Variants in GRM4 observed in about 807,000 individuals in gnomAD.
GRM4 encodes the protein glutamate metabotropic receptor 4, also known as metabotropic glutamate receptor 4.
In GRM4, 28 loss-of-function variants were observed where a neutral mutation model predicts 81.7. The ratio of observed to expected loss-of-function variants is 0.34; its 90% CI spans 0.25 to 0.47. GRM4 has a LOEUF of 0.47. Among genes scored for constraint, GRM4 ranks in the 20% least tolerant of loss-of-function variants. The pLI, the probability that GRM4 is intolerant of heterozygous loss-of-function variation, is 1.00. For synonymous variants in GRM4, 488 were observed against 528.8 expected, an observed-to-expected ratio of 0.92 and a Z score of 1.06; for missense variants, 948 against 1,290.0, an observed-to-expected ratio of 0.73 and a Z score of 4.06.
At chr6:34,029,218 T>G (rs1393235278) in intron 9 of GRM4, among the ~76,000 whole-genome samples, 1 of 152,202 alleles carries the variant, frequency 6.6e-6, no homozygotes, top group Non-Finnish European at 1.5e-5. Context: ...CTCCTGGGTC[T>G]GGGCATGAAG....
Position 34,061,972 on chromosome 6 carries a change from A to T in GRM4, c.793T>A (p.Phe265Ile). The T allele has an allele frequency of 1.2e-6, 2 of 1,613,772 alleles. No homozygotes were observed. The highest frequency in any genetic ancestry group is 1.7e-6 in the Non-Finnish European group (2 of 1,179,772). ...AGGAGGCGGCGGATGATCTTGTCGA[A>T]CTCGCCTGCCTTGGGCTCCCGTGGT... ...KIPREPKAGE[F>I]DKIIRRLLET... is the part of the protein sequence containing the mutation. The change falls in exon 4 of 11, where the codon TTC (phenylalanine) becomes ATC (isoleucine). Residue 265 changes from phenylalanine to isoleucine, a missense_variant. Phe to Ile is a conservative substitution (Grantham distance 21, BLOSUM62 0). Transcript: ENST00000538487.
chr6:34,088,911 C>T (rs1451975908), intron 3 of GRM4, among the ~76,000 whole-genome samples: 1 of 152,144 alleles, frequency 6.6e-6, no homozygotes, highest in East Asian at 1.9e-4. Context: ...TTCCTTTAGG[C>T]CTGGTGCCAG....
intron 2 of GRM4, among the ~76,000 whole-genome samples, chr6:34,095,796 C>T (rs975070138): frequency 5.3e-5 from 8 of 152,292 alleles, no homozygotes; most frequent in South Asian, 4.1e-4. Flanking sequence ...TTGGGCTCTC[C>T]AAGGCTCTCT....
intron 2 of GRM4, among the ~76,000 whole-genome samples, chr6:34,102,887 G>C (rs1013056944): frequency 6.6e-6 from 1 of 152,252 alleles, no homozygotes; most frequent in Non-Finnish European, 1.5e-5. Flanking sequence ...CGCAGAGCTG[G>C]TCAGCAGCTC....
chr6:34,116,721 A>C (rs1769613705), intron 2 of GRM4, among the ~76,000 whole-genome samples: 1 of 152,252 alleles, frequency 6.6e-6, no homozygotes, highest in African/African-American at 2.4e-5. Flanking sequence ...AAATGTTAAG[A>C]GTGGCTCTAT....
chr6:34,073,040 C>CCACA (rs796481109), intron 3 of GRM4, among the ~76,000 whole-genome samples: 1 of 5,898 alleles, frequency 1.7e-4, no homozygotes, highest in African/African-American at 7.0e-4. Context: ...CAGATACACA[C>CCACA]CACACACACA....
chr6:34,103,990 A>T (rs1345269856), intron 2 of GRM4: 10 of 437,428 alleles, frequency 2.3e-5, no homozygotes, highest in Non-Finnish European at 3.5e-5. Context: ...CTCCCTTGGT[A>T]ACCCTCACCA....
intron 3 of GRM4, among the ~76,000 whole-genome samples, chr6:34,067,625 C>T (rs1000604352): frequency 1.3e-4 from 20 of 150,544 alleles, no homozygotes; most frequent in Non-Finnish European, 2.7e-4. Flanking sequence ...TTCCTCCCTC[C>T]CTTCCTCCTT....
chr6:34,037,240 T>C (rs1374706906), intron 8 of GRM4, among the ~76,000 whole-genome samples: 1 of 152,228 alleles, frequency 6.6e-6, no homozygotes, highest in Non-Finnish European at 1.5e-5. Flanking sequence ...TTTCTTTACA[T>C]CTTGCTCTAA....
intron 3 of GRM4, among the ~76,000 whole-genome samples, chr6:34,088,358 G>A (rs1169733877): frequency 2.6e-5 from 4 of 152,066 alleles, no homozygotes; most frequent in South Asian, 2.1e-4. Flanking sequence ...TCCTGACCTC[G>A]TGATCCGCCT....
Position 34,035,788 on chromosome 6 carries a change from T to C in GRM4, c.2322A>G (p.Thr774=). The change falls in exon 9 of 11, where the codon ACA becomes ACG. Residue 774 remains threonine (T), a synonymous_variant. Transcript: ENST00000538487. The surrounding 1 kb of genome is among the most constrained non-coding windows in gnomAD (Gnocchi z 6.6). ...MVTCTVYAIK[T]RGVPETFNEA... is the part of the protein sequence containing the mutation. ...CATTGAAGGTCTCGGGCACGCCGCG[T>C]GTCTTGATGGCATACACGGTGCACG... 6.2e-7 allele frequency: 1 copy of C among 1,613,506 alleles called. No homozygotes were observed. The highest frequency in any genetic ancestry group is 8.5e-7 in the Non-Finnish European group (1 of 1,179,604).
chr6:34,084,876 G>A (rs1465574354), intron 3 of GRM4, among the ~76,000 whole-genome samples: 2 of 152,186 alleles, frequency 1.3e-5, no homozygotes, highest in Non-Finnish European at 2.9e-5. Flanking sequence ...TGGCTAGGCT[G>A]GAGCCCCCGC....
At chr6:34,040,408 A>G (rs1244169546) in intron 7 of GRM4, 94 bp from the exon 8 acceptor site, 3 of 1,468,304 alleles carry the variant, frequency 2.0e-6, no homozygotes, top group Admixed American at 1.7e-5. Flanking sequence ...ACACCCATTC[A>G]TGGAACATTC....
upstream of GRM4, among the ~76,000 whole-genome samples, chr6:34,146,787 G>T (rs948527184): frequency 6.6e-6 from 1 of 152,186 alleles, no homozygotes; most frequent in Non-Finnish European, 1.5e-5. Context: ...CCCAGGCCTG[G>T]CAGGACTCGG....
chr6:34,030,539 T>G (rs1279375129), intron 9 of GRM4, among the ~76,000 whole-genome samples: 1 of 152,180 alleles, frequency 6.6e-6, no homozygotes, highest in African/African-American at 2.4e-5. Flanking sequence ...CACTGTGGGA[T>G]GCTAACAAGT....
rs1764902001 is a variant in GRM4 at position 34,039,728 on chromosome 6, C to G, written c.1506+450G>C. On this transcript the variant is annotated intron_variant, in intron 8 of 10. Coordinates refer to ENST00000538487, the MANE Select transcript of GRM4 (RefSeq NM_000841.4). The stretch of plus-strand genomic sequence containing the variant: ...CTACCCACCAGTCAGTGGCACAAAT[C>G]CCACCGTTCAACCTGGGTCCTTTGC... Among the ~76,000 whole-genome samples, 3 of 152,122 alleles carry G rather than the reference C, an allele frequency of 2.0e-5. No individual in the cohort carries two copies. In the South Asian group the frequency reaches 6.2e-4, roughly 32 times the overall value.
intron 1 of GRM4, among the ~76,000 whole-genome samples, chr6:34,138,186 G>A (rs1159137894): frequency 6.6e-6 from 1 of 152,158 alleles, no homozygotes; most frequent in Non-Finnish European, 1.5e-5. Context: ...AGAGTCCCTG[G>A]TTCCTGCTCT....
In GRM4 at chr6:34,143,141, C is replaced by A. The variant is rs185915785; in HGVS notation, c.-364+2859G>T. On this transcript the variant is annotated intron_variant, in intron 1 of 10. Transcript: ENST00000538487. ...GATAACTTTTGAGGTATTTTTGTCC[C>A]TGACAGGTGTGAAGGTATTGGCAGG... Among the ~76,000 whole-genome samples the A allele has an allele frequency of 3.9e-5, 6 of 152,244 alleles. No individual in the cohort carries two copies. The South Asian group carries it at 1.0e-3, about 26-fold the overall frequency.
chr6:34,146,178 T>A (rs1770925109), upstream of GRM4: 1 of 982,762 alleles, frequency 1.0e-6, no homozygotes, highest in African/African-American at 1.7e-5. Context: ...TATGCCCCCA[T>A]GTGGCATGTT....
Sources: allele counts gnomAD v4.1 joint callset (sites outside exome capture counted in the v4.1 genomes callset), GRCh38; gene constraint gnomAD v4.1.1; non-coding constraint Gnocchi (gnomAD v3.1); transcripts MANE v1.5; gene names NCBI Gene and HGNC (gene_info 2026-07-23, HGNC 2026-07-21).